Variants in SNX29 observed in about 807,000 individuals in gnomAD.
SNX29 encodes the protein sorting nexin-29.
Under a neutral mutation model 102.1 loss-of-function variants are expected in SNX29, and 78 were observed. That is an observed-to-expected ratio of 0.76 (90% CI 0.64 to 0.92). SNX29 has a LOEUF of 0.92. Among genes scored for constraint, SNX29 ranks in the 40% least tolerant of loss-of-function variants. The pLI is 0.00. For missense variants in SNX29, 1,280 were observed against 1,061.7 expected (o/e 1.21, Z -2.86); for synonymous variants, 580 against 414.5 (o/e 1.40, Z -4.85).
At chr16:12,062,401 TA>T (rs1474506040) in intron 9 of SNX29, among the ~76,000 whole-genome samples, 1 of 151,016 alleles carries the variant, frequency 6.6e-6, no homozygotes, top group Non-Finnish European at 1.5e-5. Context: ...AATAAATAAA[TA>T]AATAAATAAA....
chr16:12,540,852 C>G (rs748520488), intron 20 of SNX29, among the ~76,000 whole-genome samples: 25 of 152,218 alleles, frequency 1.6e-4, no homozygotes, highest in Non-Finnish European at 3.7e-4. Context: ...TCCACCCTTT[C>G]TGAGCAGGAG....
intron 14 of SNX29, among the ~76,000 whole-genome samples, chr16:12,261,808 G>A (rs1344117098): frequency 7.2e-6 from 1 of 138,332 alleles, no homozygotes; most frequent in Non-Finnish European, 1.5e-5. Context: ...CTGTGCACGT[G>A]TCCCCGGCTG....
chr16:12,568,434 C>G, intron 20 of SNX29, 72 bp from the exon 21 acceptor site: 1 of 1,581,654 alleles, frequency 6.3e-7, no homozygotes, highest in Non-Finnish European at 8.6e-7. Flanking sequence ...TCACACCTGG[C>G]TCCCCTTCCT....
rs757401844 is a variant in SNX29, at chr16:12,002,945, T to C, written c.70-46T>C. On this transcript the variant is annotated intron_variant, in intron 2 of 20. Coordinates refer to ENST00000566228, the MANE Select transcript of SNX29 (RefSeq NM_032167.5). ...GTAGGCTGTTTTATGACGTTTTGAG[T>C]GTCCCATCCCAACAGCTGATCTCAG... The C allele has an allele frequency of 6.2e-6, 10 of 1,612,326 alleles. No homozygotes were observed. In the Admixed American group the frequency reaches 1.7e-4, roughly 27 times the overall value.
At chr16:12,101,273 C>G (rs556399270) in intron 11 of SNX29, among the ~76,000 whole-genome samples, 2 of 146,306 alleles carry the variant, frequency 1.4e-5, no homozygotes, top group Non-Finnish European at 3.0e-5. Flanking sequence ...ATCTGGGTGT[C>G]CTAATGTACC....
At chr16:12,501,095 T>G (rs993289324) in intron 19 of SNX29, among the ~76,000 whole-genome samples, 2 of 152,198 alleles carry the variant, frequency 1.3e-5, no homozygotes, top group African/African-American at 4.8e-5. Context: ...TGCCTCTTCC[T>G]ATGGGCTCTT....
intron 13 of SNX29, chr16:12,135,781 G>A (rs2054637776): frequency 2.4e-6 from 1 of 409,802 alleles, no homozygotes; most frequent in Non-Finnish European, 4.5e-6. Flanking sequence ...TAAGAGTCCT[G>A]ACTGAAGAGG....
chr16:12,559,655 C>A (rs948686528), intron 20 of SNX29, among the ~76,000 whole-genome samples: 1 of 152,104 alleles, frequency 6.6e-6, no homozygotes, highest in South Asian at 2.1e-4. Context: ...AAGCCACATT[C>A]TGCTTCTCTA....
intron 15 of SNX29, among the ~76,000 whole-genome samples, chr16:12,341,442 C>T (rs1420328127): frequency 6.6e-6 from 1 of 152,210 alleles, no homozygotes; most frequent in African/African-American, 2.4e-5. Flanking sequence ...TAGGAAGATA[C>T]AGGGTTGTCA....
At chr16:12,132,803 C>T (rs1052915158) in intron 13 of SNX29, among the ~76,000 whole-genome samples, 1 of 152,220 alleles carries the variant, frequency 6.6e-6, no homozygotes, top group Non-Finnish European at 1.5e-5. Flanking sequence ...GAACAGATAT[C>T]TGTAAAACAG....
chr16:12,397,152 C>T (rs776211540), intron 16 of SNX29, among the ~76,000 whole-genome samples: 34 of 152,222 alleles, frequency 2.2e-4, no homozygotes, highest in African/African-American at 8.0e-4. Context: ...CTTGACCTCC[C>T]AAAGTGCTGG....
Position 12,332,133 on chromosome 16 carries a change from T to C in SNX29, c.1783-24030T>C, listed in dbSNP as rs1367504146. On this transcript the variant is annotated intron_variant, in intron 15 of 20. Transcript: ENST00000566228. ...ACTTTTGCTGTTACTGATGCTGTTA[T>C]TAACATTATTACTATTATCCTCATC... 2.6e-5 allele frequency among the ~76,000 whole-genome samples: 4 copies of C among 152,292 alleles called. No homozygotes were observed. In the East Asian group the frequency reaches 7.7e-4, roughly 29 times the overall value.
intron 14 of SNX29, among the ~76,000 whole-genome samples, chr16:12,220,350 A>G (rs544618878): frequency 6.6e-6 from 1 of 151,872 alleles, no homozygotes; most frequent in Admixed American, 6.6e-5. Context: ...GAGGGAGAGC[A>G]ACAGATTCAC....
At chr16:12,478,419 G>A (rs1371467619) in intron 19 of SNX29, among the ~76,000 whole-genome samples, 1 of 152,134 alleles carries the variant, frequency 6.6e-6, no homozygotes, top group African/African-American at 2.4e-5. Flanking sequence ...GTTGTTATAT[G>A]GTTATTCACC....
intron 11 of SNX29, among the ~76,000 whole-genome samples, chr16:12,101,662 G>C (rs745526705): frequency 2.0e-5 from 3 of 152,094 alleles, no homozygotes; most frequent in Non-Finnish European, 4.4e-5. Context: ...GGGATTGCTG[G>C]CACGAGTCGC....
chr16:12,088,498 G>A (rs560402230), intron 11 of SNX29, among the ~76,000 whole-genome samples: 10 of 152,186 alleles, frequency 6.6e-5, no homozygotes, highest in Non-Finnish European at 1.2e-4. Context: ...CTCAGGGAGC[G>A]TAAGGACATT....
chr16:12,465,596 G>A (rs952084917), intron 18 of SNX29, among the ~76,000 whole-genome samples: 7 of 152,074 alleles, frequency 4.6e-5, no homozygotes, highest in Admixed American at 6.6e-5. Context: ...AGCAGCAAAC[G>A]ATTACTGTCG....
At chr16:12,474,712 A>G (rs1336336906) in intron 18 of SNX29, among the ~76,000 whole-genome samples, 1 of 152,188 alleles carries the variant, frequency 6.6e-6, no homozygotes, top group Non-Finnish European at 1.5e-5. Flanking sequence ...TTATCATTGG[A>G]GGCTTTACCC....
intron 13 of SNX29, among the ~76,000 whole-genome samples, chr16:12,178,238 T>TG: frequency 6.6e-6 from 1 of 152,128 alleles, no homozygotes. Flanking sequence ...CATGGGCTGA[T>TG]GGGTTCCTCT....
Sources: allele counts gnomAD v4.1 joint callset (sites outside exome capture counted in the v4.1 genomes callset), GRCh38; gene constraint gnomAD v4.1.1; transcripts MANE v1.5; gene names NCBI Gene and HGNC (gene_info 2026-07-23, HGNC 2026-07-21).